Variants in SLC26A3 observed in about 807,000 individuals in gnomAD.
SLC26A3 encodes the protein solute carrier family 26 member 3, also known as chloride anion exchanger.
SLC26A3 carries 64 observed loss-of-function variants against 85.6 expected under a neutral mutation model. The ratio of observed to expected loss-of-function variants is 0.75; its 90% CI spans 0.61 to 0.92. The LOEUF (loss-of-function observed/expected upper bound fraction) is 0.92, where lower values mean the gene tolerates loss of function less well. Among genes scored for constraint, SLC26A3 ranks in the 40% least tolerant of loss-of-function variants. The pLI is 0.00. For synonymous variants in SLC26A3, 349 were observed against 336.0 expected (o/e 1.04, Z -0.42); for missense variants, 922 against 927.3 (o/e 0.99, Z 0.07).
intron 18 of SLC26A3, among the ~76,000 whole-genome samples, chr7:107,769,061 G>A (rs1387028594): frequency 2.6e-5 from 4 of 152,182 alleles, no homozygotes; most frequent in South Asian, 4.1e-4. Context: ...AAAATTGTTA[G>A]TAAATTAAAG....
intron 1 of SLC26A3, among the ~76,000 whole-genome samples, chr7:107,797,075 G>A (rs1320496116): frequency 6.6e-6 from 1 of 152,092 alleles, no homozygotes; most frequent in Non-Finnish European, 1.5e-5. Context: ...TCTTTAGTGG[G>A]CTTTCTTATA....
intron 16 of SLC26A3, 71 bp from the exon 17 acceptor site, chr7:107,774,224 G>A: frequency 8.2e-7 from 1 of 1,223,434 alleles, no homozygotes; most frequent in African/African-American, 1.5e-5. Context: ...GATAGCCAGT[G>A]AGTTTCAGAA....
intron 5 of SLC26A3, among the ~76,000 whole-genome samples, chr7:107,789,907 G>A (rs1020585188): frequency 6.6e-6 from 1 of 152,090 alleles, no homozygotes; most frequent in African/African-American, 2.4e-5. Context: ...ACGTCACATG[G>A]TATTCACATA....
At chr7:107,776,822 T>C in intron 13 of SLC26A3, 116 bp from the exon 14 acceptor site, 2 of 915,148 alleles carry the variant, frequency 2.2e-6, no homozygotes, top group Admixed American at 1.9e-5. Flanking sequence ...TGTAAAAGGT[T>C]GGGGAATCAT....
In SLC26A3 at chr7:107,774,806, G is replaced by T; in HGVS notation, c.1744C>A (p.Gln582Lys). 6.2e-7 allele frequency: 1 copy of T among 1,614,046 alleles called. No individual in the cohort carries two copies. Among genetic ancestry groups the T allele is most frequent in the Non-Finnish European group, 8.5e-7 (1 of 1,179,934 alleles). Residue 582 changes from glutamine to lysine, a missense_variant, in exon 16 of 21, where the codon CAG (glutamine) becomes AAG (lysine). Physicochemically the swap from Gln to Lys is moderately conservative, Grantham distance 53. Transcript: ENST00000340010. ...GTCACTTGTAGCAAGCCTTGCTTCT[G>T]CAGTTTTCGGATTTTCCTCAAAGCT... The part of the protein sequence containing the change: ...NKALRKIRKL[Q>K]KQGLLQVTPK...
At chr7:107,784,531 A>G (rs987529770) in intron 8 of SLC26A3, among the ~76,000 whole-genome samples, 6 of 152,122 alleles carry the variant, frequency 3.9e-5, no homozygotes, top group Non-Finnish European at 8.8e-5. Flanking sequence ...GTCCAGGCTC[A>G]AGAGATCTCC....
chr7:107,799,489 C>G (rs1028179038), intron 1 of SLC26A3, among the ~76,000 whole-genome samples: 16 of 152,064 alleles, frequency 1.1e-4, no homozygotes, highest in Non-Finnish European at 2.2e-4. Context: ...CTTCTGGGTT[C>G]AAGTGATTCT....
intron 2 of SLC26A3, 83 bp downstream of exon 2, chr7:107,794,296 A>G (rs1794457505): frequency 2.0e-6 from 3 of 1,481,706 alleles, no homozygotes; most frequent in Non-Finnish European, 2.8e-6. Context: ...AGAGCCAGAA[A>G]GGAGAGTTGG....
At position 107,794,382 on chromosome 7, in the gene SLC26A3, C is replaced by A; in HGVS notation, c.128G>T (p.Cys43Phe). 1.9e-6 allele frequency: 3 copies of A among 1,613,960 alleles called. No homozygotes were observed. The highest frequency in any genetic ancestry group is 2.5e-6 in the Non-Finnish European group (3 of 1,179,882). ...AATACCTTAAAAAATATCTTACCTA[C>A]AACACACTTTGAGATGATCCAGAAA... ...KTFLDHLKVCCSCSPQKAKRI... is the reference protein window; with the variant it reads ...KTFLDHLKVCFSCSPQKAKRI... The change falls in exon 2 of 21, where the codon TGT (cysteine) becomes TTT (phenylalanine). Residue 43 changes from cysteine to phenylalanine, a missense_variant. Coordinates refer to ENST00000340010, the MANE Select transcript of SLC26A3 (RefSeq NM_000111.3).
At chr7:107,797,739 C>CTTTTTTTTTTTTTTTTT (rs781396459) in intron 1 of SLC26A3, among the ~76,000 whole-genome samples, 1 of 70,538 alleles carries the variant, frequency 1.4e-5, no homozygotes, top group African/African-American at 8.3e-5. Context: ...TTGAGCAGGA[C>CTTTTTTTTTTTTTTTTT]CTTTTTTTTT....
At chr7:107,766,707 A>G (rs1793921454) in intron 20 of SLC26A3, among the ~76,000 whole-genome samples, 1 of 152,162 alleles carries the variant, frequency 6.6e-6, no homozygotes, top group Non-Finnish European at 1.5e-5. Context: ...CTTGAAGACA[A>G]TCATTAAATT....
At chr7:107,787,234 T>C (rs1230635867) in intron 7 of SLC26A3, 123 bp downstream of exon 7, 8 of 957,768 alleles carry the variant, frequency 8.4e-6, no homozygotes, top group African/African-American at 1.6e-5. Flanking sequence ...TGCTAAACAT[T>C]ATGCCCGAAA....
intron 11 of SLC26A3, 55 bp downstream of exon 11, chr7:107,782,742 C>A: frequency 6.7e-7 from 1 of 1,503,188 alleles, no homozygotes; most frequent in Non-Finnish European, 9.3e-7. Flanking sequence ...AATTTAAGAA[C>A]CGGGGTCCTT....
At chr7:107,783,606 T>C (rs1326869627) in intron 8 of SLC26A3, among the ~76,000 whole-genome samples, 2 of 152,248 alleles carry the variant, frequency 1.3e-5, no homozygotes, top group Non-Finnish European at 2.9e-5. Flanking sequence ...ATTTTGCCAG[T>C]AAAACCACAC....
In SLC26A3 at chr7:107,767,596, G is replaced by C. The variant is rs776888978; in HGVS notation, c.2254C>G (p.Arg752Gly). ...DFTINTNGGL[R>G]NRVYEVPVET... ...AATCTTACCTCATATACCCGATTACGTAATCCTCCATTTGTATTTATGGTA... is the reference window on the plus strand; with the variant it reads ...AATCTTACCTCATATACCCGATTACCTAATCCTCCATTTGTATTTATGGTA... Residue 752 changes from arginine (R) to glycine (G), a missense_variant, in exon 20 of 21, where the codon CGT becomes GGT. Coordinates refer to ENST00000340010, the MANE Select transcript of SLC26A3 (RefSeq NM_000111.3). 5 of 1,607,888 alleles carry C rather than the reference G, an allele frequency of 3.1e-6. No homozygotes were observed. The South Asian group carries it at 5.5e-5, about 18-fold the overall frequency.
chr7:107,769,979 C>T (rs891439424), intron 18 of SLC26A3, among the ~76,000 whole-genome samples: 10 of 141,774 alleles, frequency 7.1e-5, no homozygotes, highest in East Asian at 2.2e-4. Flanking sequence ...CTCCCTCCCT[C>T]CCTTCCTTCC....
At chr7:107,777,169 G>C (rs112457369) in intron 13 of SLC26A3, among the ~76,000 whole-genome samples, 5,546 of 152,304 alleles carry the variant, frequency 0.036, 137 homozygotes, top group South Asian at 0.083. Flanking sequence ...CCATCAGTCA[G>C]GGATTGACTT....
At chr7:107,771,443 T>C (rs1794029185) in intron 18 of SLC26A3, among the ~76,000 whole-genome samples, 1 of 152,038 alleles carries the variant, frequency 6.6e-6, no homozygotes, top group African/African-American at 2.4e-5. Flanking sequence ...AGAACTATGG[T>C]ATAGAGTGTA....
At chr7:107,797,301 C>G (rs1426446312) in intron 1 of SLC26A3, among the ~76,000 whole-genome samples, 1 of 152,148 alleles carries the variant, frequency 6.6e-6, no homozygotes, top group Non-Finnish European at 1.5e-5. Context: ...CAAGACCAAC[C>G]TGGCCAACAC....
Sources: allele counts gnomAD v4.1 joint callset (sites outside exome capture counted in the v4.1 genomes callset), GRCh38; gene constraint gnomAD v4.1.1; transcripts MANE v1.5; gene names NCBI Gene and HGNC (gene_info 2026-07-23, HGNC 2026-07-21).